Variants in C5 observed in about 807,000 individuals in gnomAD.
C5 encodes the protein complement C5, also known as C3 and PZP-like alpha-2-macroglobulin domain-containing protein 4.
A neutral mutation model predicts 218.8 loss-of-function variants in C5; 140 were observed. The observed-to-expected ratio is 0.64, with a 90% CI of 0.56 to 0.74. The LOEUF is 0.74. Ranked by LOEUF, C5 falls within the 30% of genes least tolerant of loss-of-function variation. The pLI, the probability that C5 is intolerant of heterozygous loss-of-function variation, is 0.00. For synonymous variants in C5, 614 were observed against 682.3 expected, an observed-to-expected ratio of 0.90 and a Z score of 1.56; for missense variants, 1,700 against 1,969.6, an observed-to-expected ratio of 0.86 and a Z score of 2.59.
At chr9:121,019,444 C>T (rs2047344362) in intron 12 of C5, among the ~76,000 whole-genome samples, 2 of 152,178 alleles carry the variant, frequency 1.3e-5, no homozygotes, top group South Asian at 2.1e-4. Context: ...CTTCATCGAT[C>T]CACCTCTGTT....
chr9:121,004,832 C>T (rs1156539836), intron 20 of C5, among the ~76,000 whole-genome samples: 1 of 151,846 alleles, frequency 6.6e-6, no homozygotes, highest in Non-Finnish European at 1.5e-5. Flanking sequence ...TTGGAGTCTG[C>T]TATACATAAG....
At chr9:121,031,831 C>T (rs561254322) in intron 6 of C5, among the ~76,000 whole-genome samples, 12 of 152,172 alleles carry the variant, frequency 7.9e-5, no homozygotes, top group African/African-American at 2.4e-4. Flanking sequence ...TTTGGGAGGC[C>T]GAGGTGGGTG....
chr9:120,987,573 G>C (rs1197347253), intron 25 of C5, among the ~76,000 whole-genome samples: 2 of 150,016 alleles, frequency 1.3e-5, no homozygotes, highest in African/African-American at 4.9e-5. Flanking sequence ...GGGAGGCGGA[G>C]GTTGCAGTGA....
intron 18 of C5, among the ~76,000 whole-genome samples, chr9:121,007,351 GATTA>G (rs1169927469): frequency 6.6e-6 from 1 of 152,222 alleles, no homozygotes; most frequent in Non-Finnish European, 1.5e-5. Context: ...AAAAACTGCT[GATTA>G]TGATTAAGCT....
At chr9:120,964,767 T>G (rs1270610152) in intron 33 of C5, among the ~76,000 whole-genome samples, 1 of 152,238 alleles carries the variant, frequency 6.6e-6, no homozygotes, top group Non-Finnish European at 1.5e-5. Flanking sequence ...ATTCCAGTTC[T>G]GAGATTCCCA....
the C5 span, among the ~76,000 whole-genome samples, chr9:121,059,873 TCATGCCTTTAGGTGGCTGCAGCCCAG>T: frequency 6.6e-6 from 1 of 152,224 alleles, no homozygotes; most frequent in Admixed American, 6.5e-5. The surrounding 1 kb of genome is among the most constrained non-coding windows in gnomAD (Gnocchi z 4.1). Context: ...CCAGCCCTAG[TCATGCCTTTAGGTGGCTGCAGCCCAG>T]CTGTCATCTT....
intron 33 of C5, among the ~76,000 whole-genome samples, chr9:120,965,459 G>T (rs2046860010): frequency 6.6e-6 from 1 of 152,042 alleles, no homozygotes; most frequent in Non-Finnish European, 1.5e-5. Flanking sequence ...GGCAGAGGTT[G>T]CAGTGAGCTG....
intron 2 of C5, among the ~76,000 whole-genome samples, chr9:121,045,197 C>T (rs550775317): frequency 6.6e-6 from 1 of 152,062 alleles, no homozygotes; most frequent in Non-Finnish European, 1.5e-5. Context: ...CTGCTAAGAA[C>T]ATTAAAGAAT....
chr9:120,981,061 C>T (rs41311919), intron 27 of C5, among the ~76,000 whole-genome samples: 3,615 of 152,282 alleles, frequency 0.024, 67 homozygotes, highest in Non-Finnish European at 0.033. Context: ...TAAATAGTCC[C>T]GATCACTAGT....
chr9:120,956,974 C>T (rs1010164622), intron 39 of C5: 20 of 348,872 alleles, frequency 5.7e-5, no homozygotes, highest in African/African-American at 3.0e-4. Flanking sequence ...CCAAAACATG[C>T]AATTTACCCA....
intron 22 of C5, among the ~76,000 whole-genome samples, chr9:120,993,943 C>T (rs940519044): frequency 6.6e-6 from 1 of 152,072 alleles, no homozygotes; most frequent in Non-Finnish European, 1.5e-5. Flanking sequence ...CGAGAGGGGC[C>T]TGCCTAAACC....
intron 33 of C5, 61 bp from the exon 34 acceptor site, chr9:120,963,799 G>T: frequency 7.8e-7 from 1 of 1,285,696 alleles, no homozygotes; most frequent in South Asian, 1.2e-5. Flanking sequence ...TTTAAGAAAG[G>T]ACACTCTTCC....
chr9:121,034,871 G>A lies in C5; in HGVS notation c.516C>T (p.Asp172=). Residue 172 remains aspartate (D), a synonymous_variant, in exon 5 of 41, where the codon GAC becomes GAT. Transcript: ENST00000223642. The part of the protein sequence containing the change: ...TFIDPEGSEV[D]MVEEIDHIGI... ...CAATATGATCAATTTCTTCTACCATGTCAACTTCTGATCCTTCAGGATCCT... is the reference window on the plus strand; with the variant it reads ...CAATATGATCAATTTCTTCTACCATATCAACTTCTGATCCTTCAGGATCCT... 6.3e-7 allele frequency: 1 copy of A among 1,590,768 alleles called. No homozygotes were observed. The highest frequency in any genetic ancestry group is 8.6e-7 in the Non-Finnish European group (1 of 1,160,264).
chr9:121,034,848 A>G lies in C5; in HGVS notation c.539T>C (p.Ile180Thr), dbSNP rs755428446. 4.3e-5 allele frequency: 68 copies of G among 1,597,144 alleles called. No individual in the cohort carries two copies. The highest frequency in any genetic ancestry group is 5.1e-5 in the Non-Finnish European group (59 of 1,165,650). Residue 180 changes from isoleucine (I) to threonine (T), a missense_variant, in exon 5 of 41, where the codon ATT becomes ACT. Coordinates refer to ENST00000223642, the MANE Select transcript of C5 (RefSeq NM_001735.3). Reference protein sequence around the residue: ...EVDMVEEIDHIGIISFPDFKI... With the variant: ...EVDMVEEIDHTGIISFPDFKI... ...GAAGTCAGGAAAAGAGATAATTCCA[A>G]TATGATCAATTTCTTCTACCATGTC... is the stretch of plus-strand genomic sequence containing the variant.
intron 31 of C5, 138 bp from the exon 32 acceptor site, chr9:120,970,389 A>T (rs2046902202): frequency 2.9e-6 from 2 of 700,372 alleles, no homozygotes; most frequent in South Asian, 3.0e-5. Flanking sequence ...TACATTAGTG[A>T]CTCATTTTTC....
At chr9:121,009,388 G>A (rs558718628) in intron 17 of C5, among the ~76,000 whole-genome samples, 3 of 152,322 alleles carry the variant, frequency 2.0e-5, no homozygotes, top group South Asian at 4.1e-4. Context: ...TACAGACTAG[G>A]GCAGGGAGAG....
intron 22 of C5, among the ~76,000 whole-genome samples, chr9:120,994,412 G>A (rs56152597): frequency 0.028 from 4,308 of 151,884 alleles, 96 homozygotes; most frequent in Non-Finnish European, 0.036. Flanking sequence ...GTAAAACCCC[G>A]TCTCTACTAA....
chr9:120,955,055 T>G (rs1392155742), intron 39 of C5, among the ~76,000 whole-genome samples: 2 of 152,230 alleles, frequency 1.3e-5, no homozygotes, highest in African/African-American at 4.8e-5. Flanking sequence ...ACTTTTATTC[T>G]TCTATATCCT....
chr9:120,964,563 C>T (rs1337679944), intron 33 of C5, among the ~76,000 whole-genome samples: 2 of 152,154 alleles, frequency 1.3e-5, no homozygotes, highest in African/African-American at 4.8e-5. Context: ...TCATGCTTTT[C>T]TCTATTTTCT....
Sources: gnomAD v4.1 joint callset for allele counts (sites outside exome capture counted in the v4.1 genomes callset) on GRCh38, gnomAD v4.1.1 for gene constraint, Gnocchi (gnomAD v3.1) non-coding constraint, MANE v1.5 for transcripts, NCBI Gene and HGNC (gene_info 2026-07-23, HGNC 2026-07-21) for gene names.